TTC29: variants seen among roughly 807,000 people sequenced by gnomAD.
TTC29 encodes the protein tetratricopeptide repeat domain 29, also known as tetratricopeptide repeat protein 29.
Under a neutral mutation model 58.1 loss-of-function variants are expected in TTC29, and 49 were observed. The observed-to-expected ratio is 0.84, with a 90% CI of 0.67 to 1.07. The LOEUF is 1.07. TTC29 is among the 50% of genes least tolerant of loss of function. TTC29 has a pLI of 0.00. For missense variants in TTC29, 582 were observed against 555.6 expected (o/e 1.05, Z -0.48); for synonymous variants, 209 against 196.8 (o/e 1.06, Z -0.52).
chr4:146,885,035 T>C lies in TTC29; in HGVS notation c.587-10107A>G, dbSNP rs192264166. On this transcript the variant is annotated intron_variant, in intron 6 of 12. Transcript: ENST00000325106. ...AAGATGTTATTATCTCATACATGAA[T>C]ACAATACCAGATTAAGAAAGGCAAA... 1.2e-4 allele frequency among the ~76,000 whole-genome samples: 19 copies of C among 152,220 alleles called. No individual in the cohort carries two copies. The East Asian group carries it at 3.7e-3, about 29-fold the overall frequency.
intron 11 of TTC29, among the ~76,000 whole-genome samples, chr4:146,756,084 C>T (rs1240245222): frequency 6.6e-6 from 1 of 151,968 alleles, no homozygotes; most frequent in Non-Finnish European, 1.5e-5. Flanking sequence ...ACCATACTGG[C>T]TAACATAATG....
chr4:146,728,014 C>A (rs890032186), intron 11 of TTC29, among the ~76,000 whole-genome samples: 1 of 152,106 alleles, frequency 6.6e-6, no homozygotes, highest in African/African-American at 2.4e-5. Flanking sequence ...GGGCCAGGTG[C>A]GATGGCTCAT....
At chr4:146,718,396 G>T (rs996221560) in intron 11 of TTC29, among the ~76,000 whole-genome samples, 1 of 151,898 alleles carries the variant, frequency 6.6e-6, no homozygotes. Flanking sequence ...CATCTTTTTG[G>T]TAACAGCCGT....
chr4:146,808,595 AACAG>A lies in TTC29; in HGVS notation c.1102-4914_1102-4911del, dbSNP rs896825616. Among the ~76,000 whole-genome samples, 13 of 151,638 alleles carry A rather than the reference AACAG, an allele frequency of 8.6e-5. 1 individual carries two copies. Among genetic ancestry groups the A allele is most frequent in the African/African-American group, 3.1e-4 (13 of 41,466 alleles). On this transcript the variant is annotated intron_variant, in intron 10 of 12. Coordinates refer to ENST00000325106, the MANE Select transcript of TTC29 (RefSeq NM_031956.4). ...CTCACAAGCATTCCTATACACCAATAACAGACAGAGAGCCAAATCATGAGTGAAC... is the reference window on the plus strand; with the variant it reads ...CTCACAAGCATTCCTATACACCAATAACAGAGAGCCAAATCATGAGTGAAC...
intron 5 of TTC29, among the ~76,000 whole-genome samples, chr4:146,905,171 G>T (rs1733438895): frequency 6.6e-6 from 1 of 151,940 alleles, no homozygotes. Context: ...TCTGTGCTTT[G>T]TCTTTCCATT....
chr4:146,870,203 G>A (rs185800769), intron 7 of TTC29, among the ~76,000 whole-genome samples: 50 of 151,894 alleles, frequency 3.3e-4, no homozygotes, highest in African/African-American at 1.2e-3. Context: ...ATACATAATG[G>A]AATTAAATTT....
intron 8 of TTC29, among the ~76,000 whole-genome samples, chr4:146,845,870 C>T (rs897716358): frequency 1.3e-5 from 2 of 152,048 alleles, no homozygotes; most frequent in African/African-American, 2.4e-5. Context: ...CTAGCACTCA[C>T]CACATTGTGA....
intron 11 of TTC29, among the ~76,000 whole-genome samples, chr4:146,792,839 C>G (rs534925898): frequency 6.6e-6 from 1 of 152,084 alleles, no homozygotes; most frequent in South Asian, 2.1e-4. Context: ...GGGAGGTGGT[C>G]AAAATATATC....
chr4:146,775,426 T>C (rs952066502), intron 11 of TTC29, among the ~76,000 whole-genome samples: 1 of 152,192 alleles, frequency 6.6e-6, no homozygotes, highest in Non-Finnish European at 1.5e-5. Flanking sequence ...AAGGACCTCT[T>C]GTAAGGCAGG....
At chr4:146,727,918 G>C (rs1743912918) in intron 11 of TTC29, among the ~76,000 whole-genome samples, 1 of 152,152 alleles carries the variant, frequency 6.6e-6, no homozygotes, top group Non-Finnish European at 1.5e-5. Context: ...AAACTGCCAA[G>C]CTTGTCTTCT....
intron 2 of TTC29, chr4:146,942,523 T>C (rs574826537): frequency 1.5e-5 from 16 of 1,061,086 alleles, no homozygotes; most frequent in Non-Finnish European, 2.2e-5. Flanking sequence ...TAAGAAGTTA[T>C]AACTCATGTG....
intron 6 of TTC29, among the ~76,000 whole-genome samples, chr4:146,884,123 T>C (rs553075309): frequency 6.6e-6 from 1 of 152,256 alleles, no homozygotes; most frequent in African/African-American, 2.4e-5. Flanking sequence ...CATGTACACA[T>C]AGTAGATGAA....
rs760572838 is a variant in TTC29 at position 146,909,035 on chromosome 4, C to T, written c.391G>A (p.Glu131Lys). 2 of 1,613,664 alleles carry T rather than the reference C, an allele frequency of 1.2e-6. No individual in the cohort carries two copies. The highest frequency in any genetic ancestry group is 3.3e-5 in the Admixed American group (2 of 59,996). ...CAGTCCCACCACTTACCTTTCCTCT[C>T]AGCGTCCTCAGCCCTGGTCAGGTAA... is the stretch of plus-strand genomic sequence containing the variant. ...YHYLTRAEDA[E>K]RKESFEDVHN... The change falls in exon 5 of 13, where the codon GAG becomes AAG. Residue 131 changes from glutamate to lysine, a missense_variant. Physicochemically the swap from Glu to Lys is moderately conservative, Grantham distance 56. Transcript: ENST00000325106.
At chr4:146,823,990 G>C (rs1474095754) in intron 9 of TTC29, among the ~76,000 whole-genome samples, 1 of 152,172 alleles carries the variant, frequency 6.6e-6, no homozygotes, top group Admixed American at 6.5e-5. Flanking sequence ...CTCAGCTTCA[G>C]GAGATTTTGA....
At chr4:146,808,777 G>A (rs1025829780) in intron 10 of TTC29, among the ~76,000 whole-genome samples, 2 of 152,144 alleles carry the variant, frequency 1.3e-5, no homozygotes, top group African/African-American at 4.8e-5. Context: ...TCATGGATAG[G>A]AAGAATCAGT....
intron 8 of TTC29, among the ~76,000 whole-genome samples, chr4:146,849,447 G>T (rs1729376693): frequency 6.6e-6 from 1 of 151,998 alleles, no homozygotes; most frequent in Non-Finnish European, 1.5e-5. Context: ...ACTGCCTTCT[G>T]CCCCAGTTGC....
chr4:146,716,538 A>C (rs1330393143), intron 11 of TTC29, among the ~76,000 whole-genome samples: 1 of 152,160 alleles, frequency 6.6e-6, no homozygotes, highest in Non-Finnish European at 1.5e-5. Context: ...TCTATGCTGT[A>C]AACACATCCA....
intron 9 of TTC29, among the ~76,000 whole-genome samples, chr4:146,823,682 T>C (rs1751989707): frequency 6.6e-6 from 1 of 152,212 alleles, no homozygotes; most frequent in Admixed American, 6.5e-5. Flanking sequence ...ATCTATAAAT[T>C]ACTTTGAGCA....
intron 7 of TTC29, 23 bp from the exon 8 acceptor site, chr4:146,867,606 T>C: frequency 8.9e-7 from 1 of 1,129,296 alleles, no homozygotes; most frequent in South Asian, 1.6e-5. Flanking sequence ...TGTAAAAAAA[T>C]TACCAAGTAT....
Sources: gnomAD v4.1 joint callset for allele counts (sites outside exome capture counted in the v4.1 genomes callset) on GRCh38, gnomAD v4.1.1 for gene constraint, MANE v1.5 for transcripts, NCBI Gene and HGNC (gene_info 2026-07-23, HGNC 2026-07-21) for gene names.